Variants in CLDN22 observed in about 807,000 individuals in gnomAD.
The protein encoded by CLDN22 is claudin 22.
For synonymous variants in CLDN22, 86 were observed against 107.9 expected (o/e 0.80, Z 1.26); for missense variants, 227 against 252.2 (o/e 0.90, Z 0.68).
At position 183,318,413 on chromosome 4, in the gene CLDN22, G is replaced by A. The variant is rs1226464118; in HGVS notation, c.*1143C>T. 5.9e-5 allele frequency: 9 copies of A among 152,154 alleles called. No homozygotes were observed. Among genetic ancestry groups the A allele is most frequent in the Admixed American group, 5.2e-4 (8 of 15,244 alleles). 9.4% of individuals were successfully genotyped at this position (152,154 alleles called of 1,614,324 possible). A position where few individuals can be genotyped will look rare whatever the true frequency, so the allele number is the denominator to read the frequency against. On this transcript the variant is annotated 3_prime_UTR_variant, in exon 1 of 1. Coordinates refer to ENST00000323319, the MANE Select transcript of CLDN22 (RefSeq NM_001111319.3). ...GTTTTAATTTGTCTTGTTTGTAAAC[G>A]TATGCAAATACATCACATAGATTAA...
At position 183,319,977 on chromosome 4, in the gene CLDN22, C is replaced by T. The variant is rs781079170; in HGVS notation, c.242G>A (p.Arg81Lys). The change falls in exon 1 of 1, where the codon AGG becomes AAG. Residue 81 changes from arginine (R) to lysine (K), a missense_variant. Coordinates refer to ENST00000323319, the MANE Select transcript of CLDN22 (RefSeq NM_001111319.3). ...LALPAELRVS[R>K]ILMFLSNGLG... The stretch of plus-strand genomic sequence containing the variant: ...CCCATTTGACAGAAACATTAAGATC[C>T]TGGAGACCCTGAGTTCAGCAGGCAA... 10 of 1,613,580 alleles carry T rather than the reference C, an allele frequency of 6.2e-6. No individual in the cohort carries two copies. The Admixed American group carries it at 1.5e-4, about 24-fold the overall frequency.
Position 183,319,705 on chromosome 4 carries a change from C to T in CLDN22, c.514G>A (p.Ala172Thr). 3 of 1,614,130 alleles carry T rather than the reference C, an allele frequency of 1.9e-6. No homozygotes were observed. Among genetic ancestry groups the T allele is most frequent in the Non-Finnish European group, 2.5e-6 (3 of 1,180,048 alleles). ...FGEALFLGWF[A>T]GLSLLLGGCL... ...CCTCCTAGCAGAAGAGAAAGTCCAG[C>T]AAACCAGCCCAGAAACAGGGCCTCC... Residue 172 changes from alanine to threonine, a missense_variant, in exon 1 of 1, where the codon GCT (alanine) becomes ACT (threonine). Physicochemically the swap from Ala to Thr is moderately conservative, Grantham distance 58. Coordinates refer to ENST00000323319, the MANE Select transcript of CLDN22 (RefSeq NM_001111319.3).
chr4:183,319,565 C>T lies in CLDN22; in HGVS notation c.654G>A (p.Leu218=), dbSNP rs1739563191. The T allele has an allele frequency of 6.2e-7, 1 of 1,609,996 alleles. No individual in the cohort carries two copies. Among genetic ancestry groups the T allele is most frequent in the Non-Finnish European group, 8.5e-7 (1 of 1,178,160 alleles). The change falls in exon 1 of 1, where the codon CTG becomes CTA. Residue 218 remains leucine (L), a synonymous_variant. Coordinates refer to ENST00000323319, the MANE Select transcript of CLDN22 (RefSeq NM_001111319.3). The stretch of plus-strand genomic sequence containing the variant: ...GCTTGTCCTTTCTGGCTTAGTGTTT[C>T]AGGTTGGTGTTTCTCGTCTCCAGTT... ...HQELETRNTN[L]KH
Position 183,320,042 on chromosome 4 carries a change from T to G in CLDN22, c.177A>C (p.Glu59Asp), listed in dbSNP as rs766038472. The G allele has an allele frequency of 1.9e-6, 3 of 1,613,974 alleles. No homozygotes were observed. The highest frequency in any genetic ancestry group is 2.5e-6 in the Non-Finnish European group (3 of 1,179,994). Residue 59 changes from glutamate to aspartate, a missense_variant, in exon 1 of 1, where the codon GAA becomes GAC. Physicochemically the swap from Glu to Asp is conservative, Grantham distance 45 (BLOSUM62 2). Coordinates refer to ENST00000323319, the MANE Select transcript of CLDN22 (RefSeq NM_001111319.3). ...GLWQTCVIQE[E>D]VGMQCKDFDS... ...CAAAGTCCTTGCATTGCATCCCCAC[T>G]TCCTCTTGGATGACACAGGTTTGCC... is the stretch of plus-strand genomic sequence containing the variant.
rs2111137036 is a variant in CLDN22 at position 183,318,384 on chromosome 4, T to G, written c.*1172A>C. On this transcript the variant is annotated 3_prime_UTR_variant, in exon 1 of 1. Transcript: ENST00000323319. ...TAATCAGGTTAAATTCTGAACATGT[T>G]TCTGTTTTAATTTGTCTTGTTTGTA... 1 of 152,780 alleles carries G rather than the reference T, an allele frequency of 6.5e-6. No homozygotes were observed. Among genetic ancestry groups the G allele is most frequent in the South Asian group, 2.1e-4 (1 of 4,830 alleles). The allele number at this position is 152,780 out of a possible 1,614,324, so 9.5% of individuals were successfully genotyped here. A position where few individuals can be genotyped will look rare whatever the true frequency, so the allele number is the denominator to read the frequency against.
Position 183,318,607 on chromosome 4 carries a change from T to C in CLDN22, c.*949A>G, listed in dbSNP as rs1426823398. ...CAAACACAAGAGTTTCCTTGAACCA[T>C]GTACCAAGCAAATACAAAATATTTC... On this transcript the variant is annotated 3_prime_UTR_variant, in exon 1 of 1. Coordinates refer to ENST00000323319, the MANE Select transcript of CLDN22 (RefSeq NM_001111319.3). The C allele has an allele frequency of 1.3e-5, 2 of 150,998 alleles. No individual in the cohort carries two copies. The highest frequency in any genetic ancestry group is 1.3e-4 in the Admixed American group (2 of 15,100). The allele number at this position is 150,998 out of a possible 1,614,324, so 9.4% of individuals were successfully genotyped here.
Position 183,319,449 on chromosome 4 carries a change from G to A in CLDN22, c.*107C>T. On this transcript the variant is annotated 3_prime_UTR_variant, in exon 1 of 1. Transcript: ENST00000323319. ...TAGTTTAATAGCCACAGGAAAAGATGCATTTTCAAAAATCAAAAGCACAGT... is the reference window on the plus strand; with the variant it reads ...TAGTTTAATAGCCACAGGAAAAGATACATTTTCAAAAATCAAAAGCACAGT... 8.6e-7 allele frequency: 1 copy of A among 1,161,038 alleles called. No individual in the cohort carries two copies. Among genetic ancestry groups the A allele is most frequent in the South Asian group, 1.6e-5 (1 of 64,132 alleles). 71.9% of individuals were successfully genotyped at this position (1,161,038 alleles called of 1,614,324 possible).
chr4:183,319,524 C>T lies in CLDN22; in HGVS notation c.*32G>A. On this transcript the variant is annotated 3_prime_UTR_variant, in exon 1 of 1. Transcript: ENST00000323319. ...ACCAAATCCAGTGTTGAGCAAGCGT[C>T]TCCTGAACAGCAGACGCTTGTCCTT... 6.4e-7 allele frequency: 1 copy of T among 1,569,886 alleles called. No individual in the cohort carries two copies. The highest frequency in any genetic ancestry group is 8.6e-7 in the Non-Finnish European group (1 of 1,159,524).
In CLDN22 at chr4:183,319,898, A is replaced by T; in HGVS notation, c.321T>A (p.Ile107=). ...TCTTGAGATCTCTCTGACTCTCTCC[A>T]ATTCTCAAACAGTCCAGGCCAAACC... The part of the protein sequence containing the change: ...VSGFGLDCLR[I]GESQRDLKRR... The change falls in exon 1 of 1, where the codon ATT becomes ATA. Residue 107 remains isoleucine (I), a synonymous_variant. Transcript: ENST00000323319. 6.2e-7 allele frequency: 1 copy of T among 1,613,914 alleles called. No individual in the cohort carries two copies. Among genetic ancestry groups the T allele is most frequent in the Non-Finnish European group, 8.5e-7 (1 of 1,179,864 alleles).
Position 183,318,635 on chromosome 4 carries a change from G to A in CLDN22, c.*921C>T, listed in dbSNP as rs548240235. On this transcript the variant is annotated 3_prime_UTR_variant, in exon 1 of 1. Coordinates refer to ENST00000323319, the MANE Select transcript of CLDN22 (RefSeq NM_001111319.3). ...ACCAAGCAAATACAAAATATTTCAT[G>A]AAGAAATCCCCAGGCTGGCAGTTTG... is the stretch of plus-strand genomic sequence containing the variant. The A allele has an allele frequency of 6.6e-6, 1 of 152,148 alleles. No homozygotes were observed. Among genetic ancestry groups the A allele is most frequent in the Non-Finnish European group, 1.5e-5 (1 of 67,960 alleles). 9.4% of individuals were successfully genotyped at this position (152,148 alleles called of 1,614,324 possible).
Position 183,318,171 on chromosome 4 carries a change from T to C in CLDN22, c.*1385A>G, listed in dbSNP as rs1259116570. ...ATATTTAGTTCTCAAGTTTGAATTATCAGTATATTATTACAATTTTGTATA... is the reference window on the plus strand; with the variant it reads ...ATATTTAGTTCTCAAGTTTGAATTACCAGTATATTATTACAATTTTGTATA... On this transcript the variant is annotated 3_prime_UTR_variant, in exon 1 of 1. Coordinates refer to ENST00000323319, the MANE Select transcript of CLDN22 (RefSeq NM_001111319.3). The C allele has an allele frequency of 6.6e-6, 1 of 152,616 alleles. No individual in the cohort carries two copies. The highest frequency in any genetic ancestry group is 2.1e-4 in the South Asian group (1 of 4,836). 9.5% of individuals were successfully genotyped at this position (152,616 alleles called of 1,614,324 possible).
At position 183,318,507 on chromosome 4, in the gene CLDN22, C is replaced by T. The variant is rs1341785686; in HGVS notation, c.*1049G>A. 1 of 150,782 alleles carries T rather than the reference C, an allele frequency of 6.6e-6. No homozygotes were observed. The highest frequency in any genetic ancestry group is 1.5e-5 in the Non-Finnish European group (1 of 67,706). The allele number at this position is 150,782 out of a possible 1,614,324, so 9.3% of individuals were successfully genotyped here. ...CAGTGGTTTTTTTTAAAAAAAAAAG[C>T]AAAAACAAAGCTACATATTGCCTAA... On this transcript the variant is annotated 3_prime_UTR_variant, in exon 1 of 1. Transcript: ENST00000323319.
rs1456702615 is a variant in CLDN22, at chr4:183,318,840, T to G, written c.*716A>C. 6.6e-6 allele frequency: 1 copy of G among 152,172 alleles called. No individual in the cohort carries two copies. Among genetic ancestry groups the G allele is most frequent in the Non-Finnish European group, 1.5e-5 (1 of 68,088 alleles). 9.4% of individuals were successfully genotyped at this position (152,172 alleles called of 1,614,324 possible). On this transcript the variant is annotated 3_prime_UTR_variant, in exon 1 of 1. Coordinates refer to ENST00000323319, the MANE Select transcript of CLDN22 (RefSeq NM_001111319.3). ...GAGGTTATCTACCCACACACCCCAG[T>G]CCTGCCCTGCCGTGCCCCCCACAGG...
Position 183,319,808 on chromosome 4 carries a change from G to A in CLDN22, c.411C>T (p.Val137=). The part of the protein sequence containing the change: ...WASGVTALVP[V]SWVAHKTVQE... ...GAACCGTCTTGTGGGCAACCCAAGAGACGGGAACCAGGGCTGTGACTCCCG... is the reference window on the plus strand; with the variant it reads ...GAACCGTCTTGTGGGCAACCCAAGAAACGGGAACCAGGGCTGTGACTCCCG... Residue 137 remains valine, a synonymous_variant, in exon 1 of 1, where the codon GTC becomes GTT. Transcript: ENST00000323319. 8 of 1,614,010 alleles carry A rather than the reference G, an allele frequency of 5.0e-6. No individual in the cohort carries two copies. The highest frequency in any genetic ancestry group is 5.9e-6 in the Non-Finnish European group (7 of 1,179,926).
At position 183,318,663 on chromosome 4, in the gene CLDN22, A is replaced by T. The variant is rs1213310216; in HGVS notation, c.*893T>A. ...GAAATCCCCAGGCTGGCAGTTTGTG[A>T]TGAATAGTTCTTGTTGGAACTATAT... On this transcript the variant is annotated 3_prime_UTR_variant, in exon 1 of 1. Transcript: ENST00000323319. 6.6e-6 allele frequency: 1 copy of T among 152,200 alleles called. No homozygotes were observed. The highest frequency in any genetic ancestry group is 6.5e-5 in the Admixed American group (1 of 15,284). The allele number at this position is 152,200 out of a possible 1,614,324, so 9.4% of individuals were successfully genotyped here.
chr4:183,320,147 G>C lies in CLDN22; in HGVS notation c.72C>G (p.Ser24=), dbSNP rs773692523. Reference sequence around the variant, plus strand: ...AGTGTGGCAGGTAGTTTGTAAGACAGGATAAAACCCATCCCAGCAAAGATA... The same window carrying C: ...AGTGTGGCAGGTAGTTTGTAAGACACGATAAAACCCATCCCAGCAAAGATA... ...VSLSLLGWVL[S]CLTNYLPHWK... Residue 24 remains serine (S), a synonymous_variant, in exon 1 of 1, where the codon TCC becomes TCG. Coordinates refer to ENST00000323319, the MANE Select transcript of CLDN22 (RefSeq NM_001111319.3). The C allele has an allele frequency of 8.7e-6, 14 of 1,613,994 alleles. No homozygotes were observed.
At position 183,318,310 on chromosome 4, in the gene CLDN22, T is replaced by G. The variant is rs1463187219; in HGVS notation, c.*1246A>C. On this transcript the variant is annotated 3_prime_UTR_variant, in exon 1 of 1. Transcript: ENST00000323319. Reference sequence around the variant, plus strand: ...TAAATTAAAATTTTTTGCTATTGCTTTATCTATATTGTCTTAAATATCAAA... The same window carrying G: ...TAAATTAAAATTTTTTGCTATTGCTGTATCTATATTGTCTTAAATATCAAA... 3 of 152,600 alleles carry G rather than the reference T, an allele frequency of 2.0e-5. No homozygotes were observed. Among genetic ancestry groups the G allele is most frequent in the Non-Finnish European group, 2.9e-5 (2 of 68,030 alleles). 9.5% of individuals were successfully genotyped at this position (152,600 alleles called of 1,614,324 possible). A position where few individuals can be genotyped will look rare whatever the true frequency, so the allele number is the denominator to read the frequency against.
Position 183,319,520 on chromosome 4 carries a change from G to A in CLDN22, c.*36C>T. 6.4e-7 allele frequency: 1 copy of A among 1,553,034 alleles called. No individual in the cohort carries two copies. The highest frequency in any genetic ancestry group is 8.7e-7 in the Non-Finnish European group (1 of 1,151,090). Reference sequence around the variant, plus strand: ...TCCTACCAAATCCAGTGTTGAGCAAGCGTCTCCTGAACAGCAGACGCTTGT... The same window carrying A: ...TCCTACCAAATCCAGTGTTGAGCAAACGTCTCCTGAACAGCAGACGCTTGT... On this transcript the variant is annotated 3_prime_UTR_variant, in exon 1 of 1. Coordinates refer to ENST00000323319, the MANE Select transcript of CLDN22 (RefSeq NM_001111319.3).
At position 183,319,970 on chromosome 4, in the gene CLDN22, T is replaced by G; in HGVS notation, c.249A>C (p.Leu83Phe). 6.2e-7 allele frequency: 1 copy of G among 1,613,446 alleles called. No homozygotes were observed. Among genetic ancestry groups the G allele is most frequent in the Non-Finnish European group, 8.5e-7 (1 of 1,179,668 alleles). The change falls in exon 1 of 1, where the codon TTA becomes TTC. Residue 83 changes from leucine to phenylalanine, a missense_variant. Physicochemically the swap from Leu to Phe is conservative, Grantham distance 22 (BLOSUM62 0). Coordinates refer to ENST00000323319, the MANE Select transcript of CLDN22 (RefSeq NM_001111319.3). ...ATCCCAGCCCATTTGACAGAAACAT[T>G]AAGATCCTGGAGACCCTGAGTTCAG... ...LPAELRVSRILMFLSNGLGFL... is the reference protein window; with the variant it reads ...LPAELRVSRIFMFLSNGLGFL...
Sources: allele counts gnomAD v4.1 joint callset, GRCh38; gene constraint gnomAD v4.1.1; transcripts MANE v1.5; gene names NCBI Gene and HGNC (gene_info 2026-07-23, HGNC 2026-07-21).